The following SLC6A6 variants were observed in gnomAD, a reference collection of about 807,000 sequenced individuals.
The protein encoded by SLC6A6 is solute carrier family 6 member 6.
A neutral mutation model predicts 68.8 loss-of-function variants in SLC6A6; 16 were observed. That is an observed-to-expected ratio of 0.23 (90% confidence interval 0.16 to 0.35). The LOEUF is 0.35. Ranked by LOEUF, SLC6A6 falls within the 10% of genes least tolerant of loss-of-function variation. The pLI, the probability that SLC6A6 is intolerant of heterozygous loss-of-function variation, is 1.00. For missense variants in SLC6A6, 474 were observed against 802.8 expected (o/e 0.59, Z 4.95); for synonymous variants, 312 against 315.4 (o/e 0.99, Z 0.12).
At chr3:14,445,900 C>T (rs779310430) in intron 4 of SLC6A6, 49 bp downstream of exon 4, 1 of 1,600,804 alleles carries the variant, frequency 6.2e-7, no homozygotes, top group Non-Finnish European at 8.6e-7. Flanking sequence ...ATCAGTTCCA[C>T]ACATTTTTAT....
In SLC6A6 at chr3:14,468,905, C is replaced by CTG. The variant is rs1421462316; in HGVS notation, c.1096+694_1096+695dup. Among the ~76,000 whole-genome samples the CTG allele has an allele frequency of 6.6e-6, 1 of 152,140 alleles. No homozygotes were observed. The highest frequency in any genetic ancestry group is 1.5e-5 in the Non-Finnish European group (1 of 68,028). On this transcript the variant is annotated intron_variant, in intron 9 of 14. Transcript: ENST00000622186. The surrounding 1 kb of genome is among the most constrained non-coding windows in gnomAD (Gnocchi z 4.5). Reference sequence around the variant, plus strand: ...TGCCAGTGGCTTAGAATCACGGACTCTGCACAGACGGGGAACTTAGGAATC... The same window carrying CTG: ...TGCCAGTGGCTTAGAATCACGGACTCTGTGCACAGACGGGGAACTTAGGAATC...
At chr3:14,447,087 A>G (rs764514372) in intron 4 of SLC6A6, among the ~76,000 whole-genome samples, 25 of 152,168 alleles carry the variant, frequency 1.6e-4, no homozygotes, top group Non-Finnish European at 2.9e-4. Context: ...CTGATTATCT[A>G]TGCAACAAAT....
chr3:14,441,127 A>G (rs1699973759), intron 2 of SLC6A6, among the ~76,000 whole-genome samples: 2 of 152,106 alleles, frequency 1.3e-5, no homozygotes, highest in South Asian at 4.1e-4. Flanking sequence ...CCCAGAGGGC[A>G]GAGCCGGGAC....
At chr3:14,425,391 A>G (rs1699572095) in intron 2 of SLC6A6, among the ~76,000 whole-genome samples, 1 of 152,198 alleles carries the variant, frequency 6.6e-6, no homozygotes, top group Non-Finnish European at 1.5e-5. Flanking sequence ...ACAGAGCCCA[A>G]GCAGCAGAGG....
intron 2 of SLC6A6, among the ~76,000 whole-genome samples, chr3:14,427,112 A>C (rs766708806): frequency 6.9e-6 from 1 of 144,704 alleles, no homozygotes; most frequent in Non-Finnish European, 1.5e-5. Flanking sequence ...TGTCTTCCGC[A>C]CTCTCTGGCT....
chr3:14,463,352 G>A (rs1226548295), intron 6 of SLC6A6, among the ~76,000 whole-genome samples: 1 of 152,222 alleles, frequency 6.6e-6, no homozygotes, highest in Admixed American at 6.5e-5. Context: ...TTAGCTGAGT[G>A]CCCCGCACAA....
intron 2 of SLC6A6, among the ~76,000 whole-genome samples, chr3:14,431,167 A>T (rs769168926): frequency 3.3e-5 from 5 of 152,206 alleles, no homozygotes; most frequent in Non-Finnish European, 7.3e-5. Context: ...AACTGTGCTC[A>T]GATGTTGGGA....
At chr3:14,421,340 G>T (rs954108678) in intron 2 of SLC6A6, among the ~76,000 whole-genome samples, 1 of 152,118 alleles carries the variant, frequency 6.6e-6, no homozygotes, top group Non-Finnish European at 1.5e-5. Flanking sequence ...CAGGGGTCCC[G>T]TGAGCCTGAG....
At chr3:14,447,977 G>C (rs1700168720) in intron 5 of SLC6A6, 161 bp downstream of exon 5, 2 of 1,430,130 alleles carry the variant, frequency 1.4e-6, no homozygotes, top group Admixed American at 2.7e-5. Flanking sequence ...CCATAGACAG[G>C]ACTGGAATCC....
At chr3:14,439,576 T>G (rs1310440579) in intron 2 of SLC6A6, among the ~76,000 whole-genome samples, 1 of 152,210 alleles carries the variant, frequency 6.6e-6, no homozygotes, top group Non-Finnish European at 1.5e-5. Context: ...TCAATTCTAA[T>G]CACTTGTAGC....
intron 2 of SLC6A6, among the ~76,000 whole-genome samples, chr3:14,422,641 C>T (rs1194817645): frequency 6.6e-6 from 1 of 152,078 alleles, no homozygotes; most frequent in African/African-American, 2.4e-5. Context: ...TGCTTCTCAC[C>T]CCCACCCTCC....
chr3:14,432,225 A>C (rs1699741339), intron 2 of SLC6A6, among the ~76,000 whole-genome samples: 1 of 152,232 alleles, frequency 6.6e-6, no homozygotes, highest in Non-Finnish European at 1.5e-5. Context: ...AAGGTCAAGG[A>C]AATGGCAACC....
At chr3:14,432,399 C>G (rs1699746038) in intron 2 of SLC6A6, among the ~76,000 whole-genome samples, 1 of 152,198 alleles carries the variant, frequency 6.6e-6, no homozygotes, top group Admixed American at 6.5e-5. Context: ...GAGTGACAGC[C>G]CTGTCCTGTC....
intron 3 of SLC6A6, chr3:14,444,657 G>C: frequency 2.2e-6 from 1 of 444,634 alleles, no homozygotes; most frequent in Non-Finnish European, 4.6e-6. Context: ...GCAGAGATGG[G>C]CATGCCTTGT....
Position 14,443,845 on chromosome 3 carries a change from T to G in SLC6A6, c.211T>G (p.Cys71Gly). 6.2e-7 allele frequency: 1 copy of G among 1,612,766 alleles called. No individual in the cohort carries two copies. The change falls in exon 3 of 15, where the codon TGC (cysteine) becomes GGC (glycine). Residue 71 changes from cysteine (C) to glycine (G), a missense_variant. Around this residue, in one of 2 missense-constraint regions of SLC6A6, gnomAD observed 280 missense variants for 533.1 expected, o/e 0.53. Transcript: ENST00000622186. ...LGNVWRFPYL[C>G]YKNGGGAFLI... ...CAACGTCTGGCGCTTCCCGTACCTC[T>G]GCTACAAGAATGGTGGAGGTGAGCT...
chr3:14,443,911 CT>C, intron 3 of SLC6A6, 48 bp downstream of exon 3: 1 of 1,359,124 alleles, frequency 7.4e-7, no homozygotes, highest in Non-Finnish European at 1.1e-6. Flanking sequence ...ACAAAGCCGC[CT>C]TAGAGCTGGA....
chr3:14,477,478 T>A lies in SLC6A6; in HGVS notation c.1347+136T>A. On this transcript the variant is annotated intron_variant, in intron 11 of 14. Transcript: ENST00000622186. This position sits in a 1 kb window ranked among gnomAD's most constrained non-coding sequence, Gnocchi z 4.2. The stretch of plus-strand genomic sequence containing the variant: ...GCCCCACCCAATTCAGGGGTCCTGC[T>A]TGGACCAACACTGGGGGTAGCACGA... The A allele has an allele frequency of 1.2e-6, 1 of 866,318 alleles. No homozygotes were observed. The highest frequency in any genetic ancestry group is 1.8e-6 in the Non-Finnish European group (1 of 548,228). The allele number at this position is 866,318 out of a possible 1,614,324, so 53.7% of individuals were successfully genotyped here.
Position 14,445,763 on chromosome 3 carries a change from G to A in SLC6A6, c.276G>A (p.Leu92=), listed in dbSNP as rs1296927934. The A allele has an allele frequency of 1.2e-6, 2 of 1,614,064 alleles. No individual in the cohort carries two copies. The highest frequency in any genetic ancestry group is 1.7e-6 in the Non-Finnish European group (2 of 1,180,002). ...PYFIFLFGSG[L]PVFFLEIIIG... ...TTATTTTCCTGTTTGGGAGCGGCCT[G>A]CCTGTGTTTTTCTTGGAGATCATCA... Residue 92 remains leucine, a synonymous_variant, in exon 4 of 15, where the codon CTG becomes CTA. Coordinates refer to ENST00000622186, the MANE Select transcript of SLC6A6 (RefSeq NM_003043.6).
chr3:14,445,125 A>T (rs1173992628), intron 3 of SLC6A6, among the ~76,000 whole-genome samples: 1 of 152,200 alleles, frequency 6.6e-6, no homozygotes, highest in Non-Finnish European at 1.5e-5. Flanking sequence ...CACAGCTGAC[A>T]TGAAGGCTCT....
Sources: gnomAD v4.1 joint callset for allele counts (sites outside exome capture counted in the v4.1 genomes callset) on GRCh38, gnomAD v4.1.1 for gene constraint, gnomAD v4.1.1 regional missense constraint, Gnocchi (gnomAD v3.1) non-coding constraint, MANE v1.5 for transcripts, NCBI Gene and HGNC (gene_info 2026-07-23, HGNC 2026-07-21) for gene names.